The following CARHSP1 variants were observed in gnomAD, a reference collection of about 807,000 sequenced individuals.
CARHSP1 encodes the protein calcium regulated heat stable protein 1, also known as calcium-regulated heat-stable protein 1.
In CARHSP1, 14 loss-of-function variants were observed where a neutral mutation model predicts 12.5. The observed-to-expected ratio is 1.12, with a 90% CI of 0.74 to 1.75. The LOEUF (loss-of-function observed/expected upper bound fraction) is 1.75. Among genes scored for constraint, CARHSP1 ranks in the 40% most tolerant of loss-of-function variants. CARHSP1 has a pLI of 0.00. For missense variants in CARHSP1, 343 were observed against 201.6 expected (o/e 1.70, Z -4.25); for synonymous variants, 161 against 82.0 (o/e 1.96, Z -5.20).
intron 1 of CARHSP1, chr16:8,868,522 C>G (rs1032265501): frequency 4.7e-5 from 7 of 149,664 alleles, no homozygotes; most frequent in African/African-American, 1.7e-4. Flanking sequence ...GGCCTGGCCG[C>G]CGTCCCAACC....
chr16:8,859,365 G>A lies in CARHSP1; in HGVS notation c.-7-30C>T, dbSNP rs556957445. 3.0e-4 allele frequency: 469 copies of A among 1,581,432 alleles called. 7 individuals are homozygous for A. In the South Asian group the frequency reaches 3.1e-3, roughly 10 times the overall value. On this transcript the variant is annotated intron_variant, in intron 1 of 3. Coordinates refer to ENST00000311052, the MANE Select transcript of CARHSP1 (RefSeq NM_014316.4). ...AAAGAGAAGAGGCTGTCAGGGGCTC[G>A]TGCCTTGCAAGGTAGGGACCCTGTG...
Position 8,855,033 on chromosome 16 carries a change from G to C in CARHSP1, c.*131C>G. Reference sequence around the variant, plus strand: ...CCTGCCCCCCATACCCCTTCCTCCAGGAGATACTTGAGAGGGACCATGCCC... The same window carrying C: ...CCTGCCCCCCATACCCCTTCCTCCACGAGATACTTGAGAGGGACCATGCCC... On this transcript the variant is annotated 3_prime_UTR_variant, in exon 4 of 4. Coordinates refer to ENST00000311052, the MANE Select transcript of CARHSP1 (RefSeq NM_014316.4). The C allele has an allele frequency of 2.1e-5, 12 of 583,786 alleles. No homozygotes were observed. Among genetic ancestry groups the C allele is most frequent in the East Asian group, 4.7e-5 (1 of 21,444 alleles). 36.2% of individuals were successfully genotyped at this position (583,786 alleles called of 1,614,324 possible). A position where few individuals can be genotyped will look rare whatever the true frequency, so the allele number is the denominator to read the frequency against.
intron 1 of CARHSP1, chr16:8,861,518 G>C (rs2061354591): frequency 2.0e-6 from 2 of 1,011,438 alleles, no homozygotes; most frequent in Non-Finnish European, 2.7e-6. Context: ...CAAGAACCAG[G>C]CCCGACTGCT....
chr16:8,856,628 G>A (rs1362368431), intron 3 of CARHSP1, among the ~76,000 whole-genome samples: 2 of 150,134 alleles, frequency 1.3e-5, no homozygotes, highest in East Asian at 3.9e-4. Context: ...ATGGGGCGGG[G>A]GTGGGCAAAG....
intron 2 of CARHSP1, 130 bp downstream of exon 2, chr16:8,859,041 G>T: frequency 2.4e-6 from 2 of 823,474 alleles, no homozygotes; most frequent in Non-Finnish European, 1.8e-6. Context: ...CTCAGCCCAC[G>T]GCCCAGCCCC....
At chr16:8,865,610 C>G (rs1231870004) in intron 1 of CARHSP1, among the ~76,000 whole-genome samples, 1 of 152,228 alleles carries the variant, frequency 6.6e-6, no homozygotes, top group Non-Finnish European at 1.5e-5. Context: ...GTTGGGGCAG[C>G]TTCCAGCCCG....
chr16:8,855,969 C>T (rs538133125), intron 3 of CARHSP1, among the ~76,000 whole-genome samples: 5 of 151,392 alleles, frequency 3.3e-5, no homozygotes, highest in African/African-American at 7.3e-5. Context: ...GCACCACAGC[C>T]AGCTAATTTT....
At chr16:8,856,890 C>T (rs1657070) in intron 3 of CARHSP1, among the ~76,000 whole-genome samples, 95,822 of 151,910 alleles carry the variant, frequency 0.63, 31,378 homozygotes, top group South Asian at 0.74. Flanking sequence ...AGGATGTGTG[C>T]GCCCCACCCC....
At chr16:8,855,559 T>A (rs561492556) in intron 3 of CARHSP1, among the ~76,000 whole-genome samples, 2 of 152,334 alleles carry the variant, frequency 1.3e-5, no homozygotes, top group East Asian at 3.9e-4. Flanking sequence ...CTGGGACTTT[T>A]GATGCTGGAA....
chr16:8,856,799 C>A (rs894480732), intron 3 of CARHSP1, among the ~76,000 whole-genome samples: 1 of 152,044 alleles, frequency 6.6e-6, no homozygotes, highest in African/African-American at 2.4e-5. Context: ...GGGTGCAGAT[C>A]GAGGGTCCTC....
intron 3 of CARHSP1, chr16:8,858,058 C>G: frequency 2.5e-6 from 1 of 395,144 alleles, no homozygotes; most frequent in South Asian, 2.9e-5. Flanking sequence ...CCACCACGCC[C>G]AGCACACACA....
chr16:8,865,711 C>T (rs113701810), intron 1 of CARHSP1, among the ~76,000 whole-genome samples: 1 of 152,228 alleles, frequency 6.6e-6, no homozygotes, highest in Non-Finnish European at 1.5e-5. Context: ...CCTACAGCCA[C>T]TGTCCACAGA....
chr16:8,857,418 G>T (rs1489081421), intron 3 of CARHSP1: 1 of 145,922 alleles, frequency 6.9e-6, no homozygotes, highest in Non-Finnish European at 1.5e-5. Flanking sequence ...AAGTAGCTGG[G>T]ATTACAGGCA....
intron 1 of CARHSP1, among the ~76,000 whole-genome samples, chr16:8,860,897 A>C (rs531730064): frequency 6.6e-6 from 1 of 151,532 alleles, no homozygotes; most frequent in Admixed American, 6.6e-5. Flanking sequence ...CTAAAAATAC[A>C]AAATTAGCTG....
At chr16:8,861,760 G>A (rs2061362618) in intron 1 of CARHSP1, 1 of 1,282,344 alleles carries the variant, frequency 7.8e-7, no homozygotes, top group African/African-American at 1.5e-5. Flanking sequence ...GCTGGCCTGG[G>A]GGCCAGGGCC....
At chr16:8,865,796 C>T (rs1051120882) in intron 1 of CARHSP1, among the ~76,000 whole-genome samples, 2 of 152,208 alleles carry the variant, frequency 1.3e-5, no homozygotes, top group African/African-American at 4.8e-5. Context: ...ACAGGGGAGG[C>T]ACTTTTAGCA....
intron 1 of CARHSP1, among the ~76,000 whole-genome samples, chr16:8,864,205 T>C (rs771215491): frequency 3.6e-4 from 55 of 152,348 alleles, no homozygotes; most frequent in Non-Finnish European, 4.1e-4. Flanking sequence ...CACATACATA[T>C]GTGCCCACAC....
chr16:8,862,439 G>A (rs767390858), intron 1 of CARHSP1, among the ~76,000 whole-genome samples: 2 of 152,188 alleles, frequency 1.3e-5, no homozygotes, highest in East Asian at 1.9e-4. Flanking sequence ...GCCCAATACC[G>A]AGCCCTGTTC....
intron 1 of CARHSP1, 61 bp downstream of exon 1, chr16:8,868,905 C>T: frequency 6.6e-6 from 1 of 152,258 alleles, no homozygotes; most frequent in Non-Finnish European, 1.5e-5. Flanking sequence ...CCCACCCCTG[C>T]GGCTCCCGGG....
Sources: allele counts gnomAD v4.1 joint callset (sites outside exome capture counted in the v4.1 genomes callset), GRCh38; gene constraint gnomAD v4.1.1; transcripts MANE v1.5; gene names NCBI Gene and HGNC (gene_info 2026-07-23, HGNC 2026-07-21).